NUDCD3: variants seen among roughly 807,000 people sequenced by gnomAD.
NUDCD3 encodes NudC domain containing 3.
NUDCD3 carries 13 observed loss-of-function variants against 39.7 expected under a neutral mutation model. The observed-to-expected ratio is 0.33, with a 90% CI of 0.21 to 0.52. NUDCD3 has a LOEUF of 0.52. NUDCD3 is among the 20% of genes least tolerant of loss of function. The pLI is 0.96. For missense variants in NUDCD3, 453 were observed against 458.1 expected, an observed-to-expected ratio of 0.99 and a Z score of 0.10; for synonymous variants, 175 against 172.4, an observed-to-expected ratio of 1.02 and a Z score of -0.12.
intron 3 of NUDCD3, 45 bp from the exon 4 acceptor site, chr7:44,404,628 C>T (rs961108050): frequency 1.2e-6 from 2 of 1,601,784 alleles, no homozygotes; most frequent in Non-Finnish European, 8.5e-7. Flanking sequence ...TCAGGGTGAC[C>T]ACTGGTGTGC....
At chr7:44,442,731 T>A (rs1161420950) in intron 2 of NUDCD3, among the ~76,000 whole-genome samples, 2 of 149,482 alleles carry the variant, frequency 1.3e-5, no homozygotes, top group Non-Finnish European at 3.0e-5. Context: ...AGTCTCACTC[T>A]TTGGCCCAGG....
At chr7:44,435,512 G>GAAA (rs1799448586) in intron 2 of NUDCD3, among the ~76,000 whole-genome samples, 1 of 152,180 alleles carries the variant, frequency 6.6e-6, no homozygotes, top group Non-Finnish European at 1.5e-5. Context: ...ATCTCCAGGG[G>GAAA]TCACCTTTGG....
intron 3 of NUDCD3, among the ~76,000 whole-genome samples, chr7:44,408,077 G>C (rs1337080977): frequency 6.6e-6 from 1 of 152,126 alleles, no homozygotes; most frequent in Non-Finnish European, 1.5e-5. Flanking sequence ...TACTCACAAA[G>C]AGATGGAATA....
At chr7:44,404,346 C>T in intron 4 of NUDCD3, 94 bp downstream of exon 4, 3 of 1,309,646 alleles carry the variant, frequency 2.3e-6, no homozygotes, top group African/African-American at 1.5e-5. Flanking sequence ...AACAACCTCA[C>T]TGCTTAAGTG....
intron 2 of NUDCD3, among the ~76,000 whole-genome samples, chr7:44,434,247 G>A (rs1039420008): frequency 6.6e-6 from 1 of 152,084 alleles, no homozygotes; most frequent in African/African-American, 2.4e-5. Context: ...TGGGCCCCCA[G>A]CTGCCAGGTC....
At chr7:44,484,931 G>T (rs751766287) in intron 2 of NUDCD3, 37 bp downstream of exon 2, 3 of 1,469,098 alleles carry the variant, frequency 2.0e-6, no homozygotes, top group East Asian at 2.3e-5. Flanking sequence ...CAGATGTTAC[G>T]CAAGAAAGAA....
chr7:44,437,778 C>G (rs1799494077), intron 2 of NUDCD3, among the ~76,000 whole-genome samples: 1 of 152,180 alleles, frequency 6.6e-6, no homozygotes, highest in Admixed American at 6.5e-5. Context: ...CTTGGAGTCA[C>G]TGATAATATG....
chr7:44,463,934 C>T (rs765409526), intron 2 of NUDCD3, among the ~76,000 whole-genome samples: 1 of 152,070 alleles, frequency 6.6e-6, no homozygotes, highest in African/African-American at 2.4e-5. Context: ...CATTTCCTGG[C>T]CGGGCACAGT....
At chr7:44,406,093 C>G (rs755709119) in intron 3 of NUDCD3, among the ~76,000 whole-genome samples, 1 of 152,202 alleles carries the variant, frequency 6.6e-6, no homozygotes, top group Non-Finnish European at 1.5e-5. Context: ...GCCACCACAT[C>G]CAGCCCATCA....
At chr7:44,446,696 T>C (rs887079408) in intron 2 of NUDCD3, among the ~76,000 whole-genome samples, 2 of 152,204 alleles carry the variant, frequency 1.3e-5, no homozygotes, top group African/African-American at 4.8e-5. Flanking sequence ...TGTCTGCGTA[T>C]CTCACTTCAA....
At chr7:44,435,290 A>T (rs143223600) in intron 2 of NUDCD3, among the ~76,000 whole-genome samples, 2 of 152,112 alleles carry the variant, frequency 1.3e-5, no homozygotes, top group African/African-American at 4.8e-5. Flanking sequence ...CTAGTCCCCA[A>T]CCTGGGACCA....
Position 44,382,965 on chromosome 7 carries a change from G to T in NUDCD3, c.*3046C>A, listed in dbSNP as rs1798333030. On this transcript the variant is annotated 3_prime_UTR_variant, in exon 6 of 6. Transcript: ENST00000355451. ...TGGCGGGTTATTTCTGGCCCTGGGA[G>T]TATGCTAGGCAATTCTAAGGATTGC... 2.0e-5 allele frequency: 3 copies of T among 152,300 alleles called. No individual in the cohort carries two copies. The South Asian group carries it at 6.2e-4, about 31-fold the overall frequency. 9.4% of individuals were successfully genotyped at this position (152,300 alleles called of 1,614,324 possible).
intron 2 of NUDCD3, among the ~76,000 whole-genome samples, chr7:44,450,758 G>C (rs1201133043): frequency 1.3e-5 from 2 of 152,100 alleles, no homozygotes. Flanking sequence ...CTGACATATG[G>C]AATAGCTATT....
At chr7:44,410,552 T>C (rs933851009) in intron 3 of NUDCD3, among the ~76,000 whole-genome samples, 74 of 151,964 alleles carry the variant, frequency 4.9e-4, no homozygotes, top group Non-Finnish European at 1.6e-4. Context: ...TAGTCCCAGC[T>C]ACTTGGGAGG....
chr7:44,397,089 TCC>T (rs1798639062), intron 4 of NUDCD3, among the ~76,000 whole-genome samples: 1 of 152,154 alleles, frequency 6.6e-6, no homozygotes, highest in Admixed American at 6.6e-5. Flanking sequence ...GCAGCCCCGT[TCC>T]CCTTCTCAGC....
chr7:44,489,591 A>T (rs1161404952), intron 1 of NUDCD3, among the ~76,000 whole-genome samples: 1 of 152,208 alleles, frequency 6.6e-6, no homozygotes, highest in East Asian at 1.9e-4. Context: ...TTTTAATCTC[A>T]TCAGAAGTCC....
chr7:44,484,842 C>G (rs1464383507), intron 2 of NUDCD3, 126 bp downstream of exon 2: 3 of 764,194 alleles, frequency 3.9e-6, no homozygotes, highest in African/African-American at 3.5e-5. Context: ...AGTTTACAAA[C>G]ATGAAGAGCT....
At chr7:44,468,636 AG>A (rs2116961146) in intron 2 of NUDCD3, among the ~76,000 whole-genome samples, 1 of 152,338 alleles carries the variant, frequency 6.6e-6, no homozygotes, top group African/African-American at 2.4e-5. Context: ...AGAGTCTAGA[AG>A]CCTGACACCA....
At chr7:44,444,886 C>T (rs543923920) in intron 2 of NUDCD3, among the ~76,000 whole-genome samples, 1 of 152,362 alleles carries the variant, frequency 6.6e-6, no homozygotes, top group Admixed American at 6.5e-5. Context: ...AGCGAAACAT[C>T]TTGAGTCAGT....
Sources: gnomAD v4.1 joint callset for allele counts (sites outside exome capture counted in the v4.1 genomes callset) on GRCh38, gnomAD v4.1.1 for gene constraint, MANE v1.5 for transcripts, NCBI Gene and HGNC (gene_info 2026-07-23, HGNC 2026-07-21) for gene names.